The following ZDHHC14 variants were observed in gnomAD, a reference collection of about 807,000 sequenced individuals.
ZDHHC14 encodes the protein zDHHC palmitoyltransferase 14, also known as palmitoyltransferase ZDHHC14.
Under a neutral mutation model 47.7 loss-of-function variants are expected in ZDHHC14, and 16 were observed. The observed-to-expected ratio is 0.34, with a 90% CI of 0.23 to 0.51. The LOEUF (loss-of-function observed/expected upper bound fraction) is 0.51, where lower values mean the gene tolerates loss of function less well. ZDHHC14 is among the 20% of genes least tolerant of loss of function. The pLI, the probability that ZDHHC14 is intolerant of heterozygous loss-of-function variation, is 0.97. For synonymous variants in ZDHHC14, 293 were observed against 278.9 expected, an observed-to-expected ratio of 1.05 and a Z score of -0.50; for missense variants, 515 against 662.5, an observed-to-expected ratio of 0.78 and a Z score of 2.44.
rs1783555594 is a variant in ZDHHC14 at position 157,582,583 on chromosome 6, C to G, written c.407-10405C>G. Among the ~76,000 whole-genome samples the G allele has an allele frequency of 6.6e-6, 1 of 152,220 alleles. No homozygotes were observed. Reference sequence around the variant, plus strand: ...TGATCTCTTCTGGCTTTTAGGGCTTCTGCTGAAAGATCTGCTGTTAGCCTG... The same window carrying G: ...TGATCTCTTCTGGCTTTTAGGGCTTGTGCTGAAAGATCTGCTGTTAGCCTG... On this transcript the variant is annotated intron_variant, in intron 2 of 8. Transcript: ENST00000359775. The surrounding 1 kb of genome is among the most constrained non-coding windows in gnomAD (Gnocchi z 4.3).
At chr6:157,580,439 T>A (rs1019574833) in intron 2 of ZDHHC14, among the ~76,000 whole-genome samples, 1 of 152,142 alleles carries the variant, frequency 6.6e-6, no homozygotes, top group East Asian at 1.9e-4. Context: ...CCCTGCTCAT[T>A]TTTTTGGAAC....
At chr6:157,580,423 A>C (rs1318476219) in intron 2 of ZDHHC14, among the ~76,000 whole-genome samples, 1 of 152,130 alleles carries the variant, frequency 6.6e-6, no homozygotes, top group Admixed American at 6.6e-5. Context: ...TTAGTTGGGG[A>C]AGAGTCCCTG....
chr6:157,579,529 T>G (rs571380645), intron 2 of ZDHHC14, among the ~76,000 whole-genome samples: 8 of 152,296 alleles, frequency 5.3e-5, no homozygotes, highest in African/African-American at 1.9e-4. Context: ...AAACATGGAA[T>G]GTTTTTCCAT....
chr6:157,571,179 A>G (rs1180342675), intron 2 of ZDHHC14, among the ~76,000 whole-genome samples: 2 of 152,228 alleles, frequency 1.3e-5, no homozygotes, highest in Non-Finnish European at 2.9e-5. Context: ...AGTTCAAGCA[A>G]ATAGCCACTT....
intron 1 of ZDHHC14, among the ~76,000 whole-genome samples, chr6:157,540,884 A>ATGTG (rs761747961): frequency 8.4e-4 from 99 of 117,676 alleles, no homozygotes; most frequent in Middle Eastern, 4.2e-3. Flanking sequence ...ATATATATGT[A>ATGTG]TGTATGTGTG....
intron 1 of ZDHHC14, among the ~76,000 whole-genome samples, chr6:157,510,761 C>T (rs1270398237): frequency 6.6e-6 from 1 of 152,204 alleles, no homozygotes; most frequent in Non-Finnish European, 1.5e-5. Context: ...GTGGAGCACG[C>T]CCCTTCCCAG....
chr6:157,484,305 A>ATATG (rs1350600225), intron 1 of ZDHHC14, among the ~76,000 whole-genome samples: 1 of 115,258 alleles, frequency 8.7e-6, no homozygotes, highest in Non-Finnish European at 1.9e-5. Context: ...ATATATATAT[A>ATATG]CATATATATA....
Position 157,675,923 on chromosome 6 carries a change from CACAA to C in ZDHHC14, c.*2805_*2808del, listed in dbSNP as rs1440836339. Reference sequence around the variant, plus strand: ...AAAGCTTGGACCATTATCAAACACACACAAACACACACTCATTCTGCTGTTTAAA... The same window carrying C: ...AAAGCTTGGACCATTATCAAACACACACACACACTCATTCTGCTGTTTAAA... On this transcript the variant is annotated 3_prime_UTR_variant, in exon 9 of 9. Coordinates refer to ENST00000359775, the MANE Select transcript of ZDHHC14 (RefSeq NM_024630.3). 1 of 152,204 alleles carries C rather than the reference CACAA, an allele frequency of 6.6e-6. No individual in the cohort carries two copies. Among genetic ancestry groups the C allele is most frequent in the Non-Finnish European group, 1.5e-5 (1 of 68,034 alleles). The allele number at this position is 152,204 out of a possible 1,614,324, so 9.4% of individuals were successfully genotyped here. A position where few individuals can be genotyped will look rare whatever the true frequency, so the allele number is the denominator to read the frequency against.
intron 3 of ZDHHC14, among the ~76,000 whole-genome samples, chr6:157,628,130 G>GT (rs1374388881): frequency 5.3e-5 from 8 of 152,146 alleles, no homozygotes. Flanking sequence ...CATATGCTTT[G>GT]TTTTTTCAAA....
chr6:157,434,237 A>T (rs1778396740), intron 1 of ZDHHC14, among the ~76,000 whole-genome samples: 1 of 103,842 alleles, frequency 9.6e-6, no homozygotes, highest in African/African-American at 4.3e-5. Flanking sequence ...TATATATATA[A>T]TTCTTTTATA....
intron 1 of ZDHHC14, among the ~76,000 whole-genome samples, chr6:157,444,416 G>A (rs1460695626): frequency 3.3e-5 from 5 of 152,106 alleles, no homozygotes; most frequent in South Asian, 2.1e-4. Flanking sequence ...GGTGGCTCAC[G>A]CCTGTAATCC....
At chr6:157,596,357 G>A (rs1784128804) in intron 3 of ZDHHC14, among the ~76,000 whole-genome samples, 1 of 152,214 alleles carries the variant, frequency 6.6e-6, no homozygotes, top group African/African-American at 2.4e-5. Flanking sequence ...GTGGGAACTT[G>A]TGGCTTCCCT....
At chr6:157,503,625 T>A (rs751666971) in intron 1 of ZDHHC14, among the ~76,000 whole-genome samples, 8 of 152,168 alleles carry the variant, frequency 5.3e-5, no homozygotes, top group Non-Finnish European at 7.3e-5. Flanking sequence ...CTATTGAATT[T>A]TGGATTAATG....
intron 3 of ZDHHC14, among the ~76,000 whole-genome samples, chr6:157,619,082 C>T (rs1785077711): frequency 1.3e-5 from 2 of 152,132 alleles, no homozygotes; most frequent in African/African-American, 4.8e-5. Context: ...TGTCCTCCTC[C>T]TTGAATCACA....
intron 8 of ZDHHC14, among the ~76,000 whole-genome samples, chr6:157,670,071 G>A (rs1219862177): frequency 1.3e-5 from 2 of 152,200 alleles, no homozygotes; most frequent in East Asian, 1.9e-4. Flanking sequence ...GACAGCATGG[G>A]AGAGCGCCCG....
chr6:157,564,123 C>T (rs957049524), intron 2 of ZDHHC14, among the ~76,000 whole-genome samples: 2 of 152,216 alleles, frequency 1.3e-5, no homozygotes, highest in African/African-American at 4.8e-5. Context: ...TGAGAAACTC[C>T]TTTTCTGCTG....
chr6:157,650,472 G>T (rs1207124501), intron 7 of ZDHHC14, among the ~76,000 whole-genome samples: 1 of 152,020 alleles, frequency 6.6e-6, no homozygotes, highest in African/African-American at 2.4e-5. Flanking sequence ...CCAGAGCTTC[G>T]CAGCACTGGG....
intron 2 of ZDHHC14, among the ~76,000 whole-genome samples, chr6:157,581,494 A>G (rs895678408): frequency 3.3e-5 from 5 of 152,162 alleles, no homozygotes; most frequent in Non-Finnish European, 5.9e-5. Context: ...TTCTGCCTCA[A>G]TGATCTAATA....
intron 5 of ZDHHC14, among the ~76,000 whole-genome samples, chr6:157,637,568 C>A (rs1321237227): frequency 3.9e-5 from 6 of 152,146 alleles, no homozygotes; most frequent in Non-Finnish European, 4.4e-5. Flanking sequence ...AATCTGTACT[C>A]CATCCAGAGC....
Sources: allele counts gnomAD v4.1 joint callset (sites outside exome capture counted in the v4.1 genomes callset), GRCh38; gene constraint gnomAD v4.1.1; non-coding constraint Gnocchi (gnomAD v3.1); transcripts MANE v1.5; gene names NCBI Gene and HGNC (gene_info 2026-07-23, HGNC 2026-07-21).